The following CDH12 variants were observed in gnomAD, a reference collection of about 807,000 sequenced individuals.
CDH12 encodes the protein cadherin 12, also known as cadherin-12.
In CDH12, 41 loss-of-function variants were observed where a neutral mutation model predicts 74.1. The observed-to-expected ratio is 0.55, with a 90% CI of 0.43 to 0.72. The LOEUF (loss-of-function observed/expected upper bound fraction) is 0.72. Ranked by LOEUF, CDH12 falls within the 30% of genes least tolerant of loss-of-function variation. The pLI is 0.00. For missense variants in CDH12, 945 were observed against 977.2 expected (o/e 0.97, Z 0.44); for synonymous variants, 399 against 355.0 (o/e 1.12, Z -1.39).
At position 22,053,799 on chromosome 5, in the gene CDH12, C is replaced by T. The variant is rs150520704; in HGVS notation, c.231+24647G>A. Among the ~76,000 whole-genome samples the T allele has an allele frequency of 4.5e-3, 690 of 152,186 alleles. 8 individuals are homozygous for T. Among genetic ancestry groups the T allele is most frequent in the African/African-American group, 0.016 (655 of 41,544 alleles). ...ACATTTACTCTTACCCTACCTTTAACGGGTGTTTCCAAATGTAATCTAATT... is the reference window on the plus strand; with the variant it reads ...ACATTTACTCTTACCCTACCTTTAATGGGTGTTTCCAAATGTAATCTAATT... On this transcript the variant is annotated intron_variant, in intron 5 of 14. Transcript: ENST00000382254.
chr5:22,000,655 G>A (rs1349064228), intron 5 of CDH12, among the ~76,000 whole-genome samples: 1 of 152,036 alleles, frequency 6.6e-6, no homozygotes, highest in Non-Finnish European at 1.5e-5. Flanking sequence ...AAATACTGCA[G>A]CAACCAGGAG....
In CDH12 at chr5:21,802,381, C is replaced by T. The variant is rs1747168825; in HGVS notation, c.1042G>A (p.Val348Ile). The change falls in exon 10 of 15, where the codon GTT becomes ATT. Residue 348 changes from valine to isoleucine, a missense_variant. Physicochemically the swap from Val to Ile is conservative, Grantham distance 29. Around this residue, in one of 3 missense-constraint regions of CDH12, gnomAD observed 791 missense variants for 792.8 expected, o/e 1.00. Coordinates refer to ENST00000382254, the MANE Select transcript of CDH12 (RefSeq NM_004061.5). ...TCAAGGTGAAGGTTGGAAGCCTCAA[C>T]TTTGAAAGTGTATGCCTTCTTTGTT... is the stretch of plus-strand genomic sequence containing the variant. ...FETKKAYTFK[V>I]EASNLHLDHR... 1 of 1,613,706 alleles carries T rather than the reference C, an allele frequency of 6.2e-7. No homozygotes were observed. Among genetic ancestry groups the T allele is most frequent in the African/African-American group, 1.3e-5 (1 of 74,864 alleles).
chr5:22,601,185 C>A (rs969441216), intron 1 of CDH12, among the ~76,000 whole-genome samples: 7 of 151,908 alleles, frequency 4.6e-5, no homozygotes, highest in Non-Finnish European at 1.0e-4. Context: ...CCTATGTTTT[C>A]TTAAAAATTT....
At chr5:21,899,574 A>G (rs951304892) in intron 6 of CDH12, among the ~76,000 whole-genome samples, 5 of 152,148 alleles carry the variant, frequency 3.3e-5, no homozygotes, top group African/African-American at 1.2e-4. Context: ...TTTAAAAGGT[A>G]TGAAATATTT....
At chr5:22,584,354 C>T (rs1163960302) in intron 1 of CDH12, among the ~76,000 whole-genome samples, 4 of 152,206 alleles carry the variant, frequency 2.6e-5, no homozygotes, top group Non-Finnish European at 4.4e-5. Context: ...TCTGCCTCGG[C>T]TTCCCGAAGT....
intron 4 of CDH12, among the ~76,000 whole-genome samples, chr5:22,150,441 A>G (rs562573318): frequency 6.6e-6 from 1 of 152,080 alleles, no homozygotes; most frequent in African/African-American, 2.4e-5. Flanking sequence ...ACTAGCAATG[A>G]ACAGCAAATG....
intron 5 of CDH12, among the ~76,000 whole-genome samples, chr5:21,993,253 G>A (rs1277543389): frequency 6.6e-6 from 1 of 152,128 alleles, no homozygotes; most frequent in African/African-American, 2.4e-5. Context: ...GTAACCTACA[G>A]AGTAGTAGGA....
intron 2 of CDH12, among the ~76,000 whole-genome samples, chr5:22,457,754 T>A (rs1488206673): frequency 1.4e-5 from 2 of 146,382 alleles, no homozygotes; most frequent in African/African-American, 5.1e-5. Context: ...AATTTTTTTA[T>A]TTTTTTTTGA....
rs1478254686 is a variant in CDH12 at position 22,239,022 on chromosome 5, G to A, written c.-332-26379C>T. ...AGTATCATTCAGTGAAATGTTAAAT[G>A]ACATATAAGAATTTCTAGTAATAAA... On this transcript the variant is annotated intron_variant, in intron 3 of 14. Coordinates refer to ENST00000382254, the MANE Select transcript of CDH12 (RefSeq NM_004061.5). Among the ~76,000 whole-genome samples, 5 of 152,130 alleles carry A rather than the reference G, an allele frequency of 3.3e-5. No homozygotes were observed. The East Asian group carries it at 9.6e-4, about 29-fold the overall frequency.
At chr5:22,819,830 T>C (rs1749579393) in intron 1 of CDH12, among the ~76,000 whole-genome samples, 1 of 150,372 alleles carries the variant, frequency 6.7e-6, no homozygotes. Flanking sequence ...GATACTTAAA[T>C]ATATATTTAT....
intron 1 of CDH12, among the ~76,000 whole-genome samples, chr5:22,529,184 TATATAGAGAGAGAGAGAG>T (rs201712913): frequency 0.026 from 2,142 of 83,610 alleles, 58 homozygotes; most frequent in South Asian, 0.059. Flanking sequence ...TATATATATA[TATATAGAGAGAGAGAGAG>T]AGAGAGAGAG....
chr5:22,510,982 C>T (rs1360263107), intron 1 of CDH12, among the ~76,000 whole-genome samples: 2 of 151,894 alleles, frequency 1.3e-5, no homozygotes, highest in Non-Finnish European at 2.9e-5. Context: ...GCAACCTCCA[C>T]CTCCTGGGTT....
chr5:22,838,211 C>A (rs1736919674), intron 1 of CDH12, among the ~76,000 whole-genome samples: 1 of 152,066 alleles, frequency 6.6e-6, no homozygotes, highest in South Asian at 2.1e-4. Context: ...GGCTGTAGAC[C>A]CGTAGAAGTA....
At chr5:22,589,093 C>CA (rs1239851174) in intron 1 of CDH12, among the ~76,000 whole-genome samples, 6 of 152,016 alleles carry the variant, frequency 3.9e-5, no homozygotes, top group African/African-American at 1.4e-4. Context: ...TGGCTGTTCC[C>CA]AATATGGGCT....
chr5:21,753,546 C>T (rs1307173789), intron 14 of CDH12, among the ~76,000 whole-genome samples: 1 of 152,180 alleles, frequency 6.6e-6, no homozygotes, highest in Non-Finnish European at 1.5e-5. Flanking sequence ...AAGCACCATA[C>T]CTTTCTGTTC....
chr5:22,036,671 C>T (rs947990751), intron 5 of CDH12, among the ~76,000 whole-genome samples: 2 of 152,132 alleles, frequency 1.3e-5, no homozygotes, highest in Non-Finnish European at 2.9e-5. Context: ...GTACACAGAA[C>T]ATCTTTCTTT....
intron 3 of CDH12, among the ~76,000 whole-genome samples, chr5:22,221,542 G>A (rs1429338257): frequency 3.3e-5 from 5 of 151,822 alleles, no homozygotes; most frequent in Admixed American, 2.0e-4. Flanking sequence ...CACTCACCTT[G>A]AGAATTTAGT....
chr5:22,586,080 G>A (rs895629953), intron 1 of CDH12, among the ~76,000 whole-genome samples: 8 of 152,088 alleles, frequency 5.3e-5, no homozygotes, highest in Admixed American at 2.0e-4. Context: ...GCAAAGACTT[G>A]GAACCAACCC....
At chr5:22,398,900 G>A (rs1742583877) in intron 3 of CDH12, among the ~76,000 whole-genome samples, 1 of 152,028 alleles carries the variant, frequency 6.6e-6, no homozygotes, top group African/African-American at 2.4e-5. Context: ...TCTCTACTGT[G>A]GTAGAGACCC....
Sources: gnomAD v4.1 joint callset for allele counts (sites outside exome capture counted in the v4.1 genomes callset) on GRCh38, gnomAD v4.1.1 for gene constraint, gnomAD v4.1.1 regional missense constraint, MANE v1.5 for transcripts, NCBI Gene and HGNC (gene_info 2026-07-23, HGNC 2026-07-21) for gene names.